Variants in MGAT5 observed in about 807,000 individuals in gnomAD.
The protein encoded by MGAT5 is alpha-1,6-mannosylglycoprotein 6-beta-N-acetylglucosaminyltransferase.
MGAT5 carries 30 observed loss-of-function variants against 94.3 expected under a neutral mutation model. That is an observed-to-expected ratio of 0.32 (90% CI 0.24 to 0.43). The LOEUF is 0.43. Ranked by LOEUF, MGAT5 falls within the 20% of genes least tolerant of loss-of-function variation. The probability of loss-of-function intolerance (pLI) is 1.00; values close to 1 mark genes in which losing one functional copy is unlikely to be tolerated. For synonymous variants in MGAT5, 310 were observed against 322.9 expected (o/e 0.96, Z 0.43); for missense variants, 691 against 905.5 (o/e 0.76, Z 3.04).
At chr2:134,273,731 G>T (rs1329817348) in intron 2 of MGAT5, among the ~76,000 whole-genome samples, 1 of 151,940 alleles carries the variant, frequency 6.6e-6, no homozygotes, top group Non-Finnish European at 1.5e-5. Flanking sequence ...TTATCACCGA[G>T]GGTTTTTTAA....
intron 1 of MGAT5, among the ~76,000 whole-genome samples, chr2:134,130,292 CG>C (rs1251160087): frequency 8.1e-6 from 1 of 123,910 alleles, no homozygotes; most frequent in African/African-American, 3.0e-5. Flanking sequence ...GGTGGGCTCC[CG>C]AGTGGCCTGA....
intron 15 of MGAT5, among the ~76,000 whole-genome samples, chr2:134,444,938 G>A (rs1685689663): frequency 6.6e-6 from 1 of 152,146 alleles, no homozygotes; most frequent in Non-Finnish European, 1.5e-5. Context: ...GACTGGGGTG[G>A]AGACTGGAAG....
intron 1 of MGAT5, among the ~76,000 whole-genome samples, chr2:134,262,803 T>C (rs550080165): frequency 6.6e-6 from 1 of 152,274 alleles, no homozygotes; most frequent in South Asian, 2.1e-4. Flanking sequence ...TGTTCATTTG[T>C]TTGAACACAG....
chr2:134,378,115 C>T (rs1202708486), intron 10 of MGAT5, among the ~76,000 whole-genome samples: 1 of 152,108 alleles, frequency 6.6e-6, no homozygotes, highest in Admixed American at 6.6e-5. Flanking sequence ...GGATCTGGCC[C>T]CTGGAAGTAT....
At chr2:134,199,129 C>T (rs1679641824) in intron 1 of MGAT5, among the ~76,000 whole-genome samples, 1 of 152,216 alleles carries the variant, frequency 6.6e-6, no homozygotes. Context: ...AAACTCCATT[C>T]TGGACTTGGT....
chr2:134,126,485 A>C (rs1478478372), intron 1 of MGAT5, among the ~76,000 whole-genome samples: 1 of 152,240 alleles, frequency 6.6e-6, no homozygotes, highest in African/African-American at 2.4e-5. Flanking sequence ...ATTAAAAAGA[A>C]GGTTGAGAAC....
intron 1 of MGAT5, among the ~76,000 whole-genome samples, chr2:134,135,457 G>A (rs545978698): frequency 9.9e-5 from 15 of 152,160 alleles, no homozygotes; most frequent in Admixed American, 9.2e-4. Context: ...ACTTTGGGAG[G>A]CAGAGGCGGG....
At chr2:134,217,179 C>T (rs1236108720) in intron 1 of MGAT5, among the ~76,000 whole-genome samples, 1 of 150,774 alleles carries the variant, frequency 6.6e-6, no homozygotes, top group Non-Finnish European at 1.5e-5. Context: ...TACGCTATTG[C>T]TGGTATTGCA....
intron 1 of MGAT5, among the ~76,000 whole-genome samples, chr2:134,198,993 G>A (rs1431521148): frequency 6.6e-6 from 1 of 152,198 alleles, no homozygotes; most frequent in African/African-American, 2.4e-5. Context: ...GTGGCACATT[G>A]TCTTAAAACA....
rs749004227 is a variant in MGAT5, at chr2:134,344,059, G to A, written c.978-871G>A. Among the ~76,000 whole-genome samples the A allele has an allele frequency of 5.9e-5, 9 of 152,134 alleles. No individual in the cohort carries two copies. In the East Asian group the frequency reaches 9.6e-4, roughly 16 times the overall value. On this transcript the variant is annotated intron_variant, in intron 7 of 15. Transcript: ENST00000281923. Reference sequence around the variant, plus strand: ...AAGCAGAGTCCTGTTTGTGACTCTCGTCCTTTGAAGCAGGATATCCATAAT... The same window carrying A: ...AAGCAGAGTCCTGTTTGTGACTCTCATCCTTTGAAGCAGGATATCCATAAT...
At chr2:134,259,894 C>T (rs1204242149) in intron 1 of MGAT5, among the ~76,000 whole-genome samples, 1 of 152,168 alleles carries the variant, frequency 6.6e-6, no homozygotes, top group African/African-American at 2.4e-5. Context: ...GATAGCAGTA[C>T]ATTCCAGGAA....
At chr2:134,167,105 T>C (rs1274925395) in intron 1 of MGAT5, among the ~76,000 whole-genome samples, 2 of 152,198 alleles carry the variant, frequency 1.3e-5, no homozygotes, top group African/African-American at 4.8e-5. Context: ...CAACATTAGC[T>C]GAGGTTGATA....
intron 1 of MGAT5, among the ~76,000 whole-genome samples, chr2:134,213,041 C>T (rs1680284651): frequency 1.3e-5 from 2 of 152,306 alleles, no homozygotes; most frequent in East Asian, 1.9e-4. Flanking sequence ...TTGGAAGAGT[C>T]AGGTCTGCAT....
At chr2:134,375,723 T>C (rs1381224164) in intron 10 of MGAT5, among the ~76,000 whole-genome samples, 1 of 152,196 alleles carries the variant, frequency 6.6e-6, no homozygotes, top group Non-Finnish European at 1.5e-5. Flanking sequence ...TGGTAGAGCA[T>C]ATCTCTTGAG....
In MGAT5 at chr2:134,454,196, C is replaced by G. The variant is rs1686248452; in HGVS notation, c.*5349C>G. Reference sequence around the variant, plus strand: ...AGGATGGCGGGGACGGGGTGGTGCTCAAAGGATCTGTGGTGCTGGAGGTCT... The same window carrying G: ...AGGATGGCGGGGACGGGGTGGTGCTGAAAGGATCTGTGGTGCTGGAGGTCT... On this transcript the variant is annotated 3_prime_UTR_variant, in exon 16 of 16. Transcript: ENST00000281923. 6.6e-6 allele frequency: 1 copy of G among 152,114 alleles called. No homozygotes were observed. Among genetic ancestry groups the G allele is most frequent in the Non-Finnish European group, 1.5e-5 (1 of 68,046 alleles). 9.4% of individuals were successfully genotyped at this position (152,114 alleles called of 1,614,324 possible).
chr2:134,131,112 A>G (rs531319725), intron 1 of MGAT5, among the ~76,000 whole-genome samples: 9 of 152,330 alleles, frequency 5.9e-5, no homozygotes, highest in East Asian at 5.8e-4. Context: ...TATGTGCTGT[A>G]ACACTCACTG....
intron 2 of MGAT5, among the ~76,000 whole-genome samples, chr2:134,292,084 ATAATTT>A (rs571203653): frequency 4.6e-5 from 7 of 152,216 alleles, no homozygotes; most frequent in African/African-American, 1.7e-4. Context: ...GGGCCCACTG[ATAATTT>A]TAAAATAAAA....
At chr2:134,369,090 C>T (rs138522725) in intron 10 of MGAT5, among the ~76,000 whole-genome samples, 2 of 152,312 alleles carry the variant, frequency 1.3e-5, no homozygotes, top group Non-Finnish European at 2.9e-5. Context: ...AGGAATTGCA[C>T]CTGCTTTGCT....
At chr2:134,302,608 A>C (rs1686086232) in intron 2 of MGAT5, among the ~76,000 whole-genome samples, 1 of 151,772 alleles carries the variant, frequency 6.6e-6, no homozygotes, top group African/African-American at 2.4e-5. Flanking sequence ...TGAAATCTTT[A>C]TTCATTTATC....
Sources: gnomAD v4.1 joint callset for allele counts (sites outside exome capture counted in the v4.1 genomes callset) on GRCh38, gnomAD v4.1.1 for gene constraint, MANE v1.5 for transcripts, NCBI Gene and HGNC (gene_info 2026-07-23, HGNC 2026-07-21) for gene names.